The following RBM28 variants were observed in gnomAD, a reference collection of about 807,000 sequenced individuals.
The protein encoded by RBM28 is RNA-binding protein 28.
In RBM28, 78 loss-of-function variants were observed where a neutral mutation model predicts 98.3. That is an observed-to-expected ratio of 0.79 (90% confidence interval 0.66 to 0.96). The LOEUF is 0.96. Ranked by LOEUF, RBM28 falls within the 40% of genes least tolerant of loss-of-function variation. The probability of loss-of-function intolerance (pLI) is 0.00; values close to 1 mark genes in which losing one functional copy is unlikely to be tolerated. For missense variants in RBM28, 838 were observed against 913.0 expected, an observed-to-expected ratio of 0.92 and a Z score of 1.06; for synonymous variants, 306 against 330.9, an observed-to-expected ratio of 0.92 and a Z score of 0.82.
Position 128,302,539 on chromosome 7 carries a change from T to G in RBM28, c.*8258A>C, listed in dbSNP as rs927621009. 8 of 152,132 alleles carry G rather than the reference T, an allele frequency of 5.3e-5. No individual in the cohort carries two copies. Among genetic ancestry groups the G allele is most frequent in the African/African-American group, 1.9e-4 (8 of 41,432 alleles). The allele number at this position is 152,132 out of a possible 1,614,324, so 9.4% of individuals were successfully genotyped here. On this transcript the variant is annotated 3_prime_UTR_variant, in exon 19 of 19. Transcript: ENST00000223073. ...AACTGAGTAGAGCCAGCGCACCCTT[T>G]CCCTATTAGCAACCTCTAAGGGAGT...
At chr7:128,320,603 G>C (rs1169329948) in intron 14 of RBM28, among the ~76,000 whole-genome samples, 1 of 151,994 alleles carries the variant, frequency 6.6e-6, no homozygotes, top group African/African-American at 2.4e-5. Context: ...CTGAACACAG[G>C]GTAAGAATCT....
At chr7:128,333,176 G>A in intron 9 of RBM28, 114 bp downstream of exon 9, 4 of 802,246 alleles carry the variant, frequency 5.0e-6, no homozygotes, top group Middle Eastern at 2.2e-4. Context: ...GGGACCAGAT[G>A]TGCTTGATCT....
Position 128,307,840 on chromosome 7 carries a change from T to TG in RBM28, c.*2956dup, listed in dbSNP as rs1795896173. ...CTGTTGTTTTTCAAAATAATAGAGATGGGGGTCTCACTATGTTGGCCAGGT... is the reference window on the plus strand; with the variant it reads ...CTGTTGTTTTTCAAAATAATAGAGATGGGGGGTCTCACTATGTTGGCCAGGT... On this transcript the variant is annotated 3_prime_UTR_variant, in exon 19 of 19. Transcript: ENST00000223073. 6.6e-6 allele frequency: 1 copy of TG among 152,170 alleles called. No homozygotes were observed. The allele number at this position is 152,170 out of a possible 1,614,324, so 9.4% of individuals were successfully genotyped here.
intron 16 of RBM28, among the ~76,000 whole-genome samples, chr7:128,316,273 C>A (rs549272163): frequency 1.9e-4 from 29 of 152,218 alleles, no homozygotes; most frequent in African/African-American, 6.7e-4. Context: ...GTAAAGAGGG[C>A]CTTATATCTT....
At chr7:128,333,195 G>A in intron 9 of RBM28, 95 bp downstream of exon 9, 3 of 941,626 alleles carry the variant, frequency 3.2e-6, no homozygotes, top group South Asian at 2.6e-5. Flanking sequence ...CTAATTTCTG[G>A]GCTAGGTAAC....
At chr7:128,326,119 A>C (rs946696212) in intron 10 of RBM28, among the ~76,000 whole-genome samples, 7 of 152,192 alleles carry the variant, frequency 4.6e-5, no homozygotes, top group African/African-American at 1.7e-4. Flanking sequence ...CCTGGCCAAC[A>C]CAGTGAAACC....
In RBM28 at chr7:128,325,796, G is replaced by A. The variant is rs1371529907; in HGVS notation, c.1203+22C>T. The A allele has an allele frequency of 4.4e-6, 7 of 1,591,884 alleles. No individual in the cohort carries two copies. In the Admixed American group the frequency reaches 5.0e-5, roughly 11 times the overall value. On this transcript the variant is annotated intron_variant, in intron 11 of 18. Transcript: ENST00000223073. ...GCCAAACTGCCTCCTGTGTTATAAG[G>A]TAAAGGAAATATCTTCCTTACCTCA... is the stretch of plus-strand genomic sequence containing the variant.
At chr7:128,324,475 T>C in intron 12 of RBM28, 84 bp downstream of exon 12, 1 of 1,585,916 alleles carries the variant, frequency 6.3e-7, no homozygotes, top group Non-Finnish European at 8.7e-7. Flanking sequence ...ATTTGAAACA[T>C]GCTTCCAGGC....
chr7:128,327,943 G>C (rs1283119905), intron 10 of RBM28, among the ~76,000 whole-genome samples: 1 of 152,158 alleles, frequency 6.6e-6, no homozygotes. Flanking sequence ...CCTAGAGCTA[G>C]TGGGGGCATT....
rs1403334896 is a variant in RBM28 at position 128,310,075 on chromosome 7, G to C, written c.*722C>G. ...GTGTCCTCATTAAGGAGGACTTAGA[G>C]AGCTAGTGGATACGATGAAAAGGGA... On this transcript the variant is annotated 3_prime_UTR_variant, in exon 19 of 19. Coordinates refer to ENST00000223073, the MANE Select transcript of RBM28 (RefSeq NM_018077.3). 1 of 152,766 alleles carries C rather than the reference G, an allele frequency of 6.5e-6. No individual in the cohort carries two copies. Among genetic ancestry groups the C allele is most frequent in the Non-Finnish European group, 1.5e-5 (1 of 68,468 alleles). The allele number at this position is 152,766 out of a possible 1,614,324, so 9.5% of individuals were successfully genotyped here.
Position 128,335,963 on chromosome 7 carries a change from TTCCTCTTCCATA to T in RBM28, c.681_692del (p.Asp227_Glu230del), listed in dbSNP as rs753739977. 2 of 1,609,112 alleles carry T rather than the reference TTCCTCTTCCATA, an allele frequency of 1.2e-6. No individual in the cohort carries two copies. The highest frequency in any genetic ancestry group is 2.2e-5 in the South Asian group (2 of 90,974). Reference sequence around the variant, plus strand: ...CATCATCGTCATCATCATCGTTTTCTTCCTCTTCCATATCCTCTTCCTCTCTGCCCTTCTTTT... The same window carrying T: ...CATCATCGTCATCATCATCGTTTTCTTCCTCTTCCTCTCTGCCCTTCTTTT... On this transcript the variant is annotated inframe_deletion, in exon 7 of 19. Transcript: ENST00000223073.
intron 10 of RBM28, among the ~76,000 whole-genome samples, chr7:128,327,736 G>A (rs1053121238): frequency 2.0e-5 from 3 of 152,100 alleles, no homozygotes; most frequent in African/African-American, 7.2e-5. Context: ...CCAACCTCAG[G>A]TGATCCGCCT....
chr7:128,336,617 AC>A (rs1796605832), intron 6 of RBM28, among the ~76,000 whole-genome samples: 1 of 152,226 alleles, frequency 6.6e-6, no homozygotes, highest in Non-Finnish European at 1.5e-5. Context: ...GGACCAGAGC[AC>A]CAAATGGTAC....
chr7:128,323,740 A>T (rs1584645633), intron 12 of RBM28, 149 bp from the exon 13 acceptor site: 1 of 793,732 alleles, frequency 1.3e-6, no homozygotes, highest in Non-Finnish European at 2.1e-6. Context: ...TAGGTCCAGA[A>T]ATAGGCTACA....
intron 16 of RBM28, among the ~76,000 whole-genome samples, 170 bp from the exon 17 acceptor site, chr7:128,315,190 G>C (rs532565951): frequency 3.6e-4 from 55 of 152,302 alleles, no homozygotes; most frequent in Admixed American, 2.7e-3. Flanking sequence ...CCCTGCCACA[G>C]TAACAGATGG....
Position 128,339,238 on chromosome 7 carries a change from G to C in RBM28, c.361C>G (p.Leu121Val). 6.2e-7 allele frequency: 1 copy of C among 1,610,964 alleles called. No homozygotes were observed. Among genetic ancestry groups the C allele is most frequent in the Non-Finnish European group, 8.5e-7 (1 of 1,177,180 alleles). ...DKKARLIIRN[L>V]SFKCSEDDLK... ...TCTCTCTCACTTACCTTAAAGCTCA[G>C]GTTCCGAATAATTAATCTGGCTTTC... Residue 121 changes from leucine (L) to valine (V), a missense_variant, in exon 3 of 19, where the codon CTG (leucine) becomes GTG (valine). Coordinates refer to ENST00000223073, the MANE Select transcript of RBM28 (RefSeq NM_018077.3).
Position 128,310,473 on chromosome 7 carries a change from C to A in RBM28, c.*324G>T. 1 of 361,026 alleles carries A rather than the reference C, an allele frequency of 2.8e-6. No individual in the cohort carries two copies. The highest frequency in any genetic ancestry group is 3.3e-5 in the South Asian group (1 of 30,276). 22.4% of individuals were successfully genotyped at this position (361,026 alleles called of 1,614,324 possible). Reference sequence around the variant, plus strand: ...ATATACATCTTAAAAATTCAGCACTCCAGAATGCTTTTTCAGGTGTTTCCA... The same window carrying A: ...ATATACATCTTAAAAATTCAGCACTACAGAATGCTTTTTCAGGTGTTTCCA... On this transcript the variant is annotated 3_prime_UTR_variant, in exon 19 of 19. Coordinates refer to ENST00000223073, the MANE Select transcript of RBM28 (RefSeq NM_018077.3).
Position 128,325,835 on chromosome 7 carries a change from C to G in RBM28, c.1186G>C (p.Ala396Pro). The G allele has an allele frequency of 6.2e-7, 1 of 1,613,436 alleles. No individual in the cohort carries two copies. Among genetic ancestry groups the G allele is most frequent in the East Asian group, 2.2e-5 (1 of 44,882 alleles). The change falls in exon 11 of 19, where the codon GCT (alanine) becomes CCT (proline). Residue 396 changes from alanine (A) to proline (P), a missense_variant. Coordinates refer to ENST00000223073, the MANE Select transcript of RBM28 (RefSeq NM_018077.3). ...TTCCTTACCTCATTCTCTGGAGAAG[C>G]AGCTAGAAGGCATTTCTGAGCTGCT... ...QEAAQKCLLA[A>P]SPENEAGGLK... is the part of the protein sequence containing the mutation.
chr7:128,331,799 CA>C (rs1452709421), intron 9 of RBM28, among the ~76,000 whole-genome samples: 2 of 152,094 alleles, frequency 1.3e-5, no homozygotes, highest in Non-Finnish European at 1.5e-5. Flanking sequence ...TAAATCCTTC[CA>C]GGGGTAAGCA....
Sources: allele counts gnomAD v4.1 joint callset (sites outside exome capture counted in the v4.1 genomes callset), GRCh38; gene constraint gnomAD v4.1.1; transcripts MANE v1.5; gene names NCBI Gene and HGNC (gene_info 2026-07-23, HGNC 2026-07-21).